DNAH9: variants seen among roughly 807,000 people sequenced by gnomAD.
DNAH9 encodes the protein dynein axonemal heavy chain 9.
A neutral mutation model predicts 471.6 loss-of-function variants in DNAH9; 345 were observed. That is an observed-to-expected ratio of 0.73 (90% CI 0.67 to 0.80). DNAH9 has a LOEUF of 0.80. DNAH9 is among the 30% of genes least tolerant of loss of function. The pLI is 0.00. For synonymous variants in DNAH9, 2,093 were observed against 2,123.6 expected (o/e 0.99, Z 0.40); for missense variants, 5,407 against 5,609.2 (o/e 0.96, Z 1.15).
At chr17:11,915,844 T>C (rs1015465469) in intron 61 of DNAH9, among the ~76,000 whole-genome samples, 6 of 152,252 alleles carry the variant, frequency 3.9e-5, no homozygotes, top group African/African-American at 1.4e-4. Context: ...GAGCATTTAA[T>C]ACAATTTTAA....
intron 34 of DNAH9, 150 bp from the exon 35 acceptor site, chr17:11,757,395 C>G: frequency 1.5e-6 from 1 of 677,910 alleles, no homozygotes; most frequent in South Asian, 2.0e-5. Flanking sequence ...AATAGCAAAC[C>G]CATTTACCCG....
At chr17:11,914,060 C>A (rs1249417858) in intron 61 of DNAH9, among the ~76,000 whole-genome samples, 1 of 152,144 alleles carries the variant, frequency 6.6e-6, no homozygotes, top group Non-Finnish European at 1.5e-5. Flanking sequence ...TCATTCACTG[C>A]AAAGGCAAGT....
chr17:11,794,833 A>G (rs1969186907), intron 42 of DNAH9, among the ~76,000 whole-genome samples: 1 of 149,812 alleles, frequency 6.7e-6, no homozygotes, highest in African/African-American at 2.4e-5. Flanking sequence ...TTCACTGTAT[A>G]TGACTCTCTT....
In DNAH9 at chr17:11,611,783, G is replaced by A. The variant is rs776121900; in HGVS notation, c.904+3G>A. On this transcript the variant is annotated splice_donor_region_variant and intron_variant, in intron 4 of 68. Coordinates refer to ENST00000262442, the MANE Select transcript of DNAH9 (RefSeq NM_001372.4). ...CATGTACAGAGATGTTGTTGCAGGT[G>A]AGGACCAGCAAGTGTTTTCACAAAT... is the stretch of plus-strand genomic sequence containing the variant. 3 of 1,613,948 alleles carry A rather than the reference G, an allele frequency of 1.9e-6. No homozygotes were observed. The highest frequency in any genetic ancestry group is 2.5e-6 in the Non-Finnish European group (3 of 1,179,758).
intron 57 of DNAH9, among the ~76,000 whole-genome samples, chr17:11,891,242 G>C (rs1268185277): frequency 6.6e-6 from 1 of 152,146 alleles, no homozygotes; most frequent in Non-Finnish European, 1.5e-5. Flanking sequence ...TCACTGCAGA[G>C]GTATATATGC....
intron 49 of DNAH9, among the ~76,000 whole-genome samples, chr17:11,837,980 CAGG>C (rs1970902156): frequency 6.6e-6 from 1 of 152,052 alleles, no homozygotes; most frequent in African/African-American, 2.4e-5. Flanking sequence ...GTCACCTCAT[CAGG>C]AAGCAAATAA....
At position 11,874,934 on chromosome 17, in the gene DNAH9, TTTC is replaced by T. The variant is rs1972415898; in HGVS notation, c.10243-8_10243-6del. 4 of 1,595,812 alleles carry T rather than the reference TTTC, an allele frequency of 2.5e-6. No homozygotes were observed. The highest frequency in any genetic ancestry group is 2.6e-6 in the Non-Finnish European group (3 of 1,164,052). The stretch of plus-strand genomic sequence containing the variant: ...CTTCTGTTCTGAGCGTGGGGTGGTG[TTTC>T]TTCTTCACCAGACTCCCATTCCAGT... On this transcript the variant is annotated splice_polypyrimidine_tract_variant and intron_variant, in intron 52 of 68. Transcript: ENST00000262442.
At chr17:11,698,207 TAA>T (rs376917040) in intron 22 of DNAH9, among the ~76,000 whole-genome samples, 2 of 129,414 alleles carry the variant, frequency 1.5e-5, no homozygotes, top group Admixed American at 9.3e-5. Context: ...AATATATTAA[TAA>T]TATAATTATA....
At chr17:11,781,521 G>A (rs1968664792) in intron 39 of DNAH9, among the ~76,000 whole-genome samples, 1 of 152,118 alleles carries the variant, frequency 6.6e-6, no homozygotes, top group Admixed American at 6.5e-5. Context: ...CACAGCACTG[G>A]GCATGTGCTT....
chr17:11,920,035 C>CTTTTTTTTT (rs1165405913), intron 61 of DNAH9, among the ~76,000 whole-genome samples: 8 of 135,948 alleles, frequency 5.9e-5, no homozygotes, highest in African/African-American at 1.6e-4. Context: ...TAAGTTCTTT[C>CTTTTTTTTT]TTTTTTTTTT....
At chr17:11,851,719 T>A (rs1971427257) in intron 49 of DNAH9, among the ~76,000 whole-genome samples, 1 of 152,190 alleles carries the variant, frequency 6.6e-6, no homozygotes, top group South Asian at 2.1e-4. Context: ...CCACTCATCA[T>A]ACTGCCAGCT....
At chr17:11,796,548 CA>C (rs1969248103) in intron 42 of DNAH9, among the ~76,000 whole-genome samples, 1 of 152,162 alleles carries the variant, frequency 6.6e-6, no homozygotes, top group Non-Finnish European at 1.5e-5. Flanking sequence ...AATCTCATCC[CA>C]TAGGTTACAA....
intron 17 of DNAH9, among the ~76,000 whole-genome samples, chr17:11,670,884 G>A (rs1013676495): frequency 5.9e-5 from 9 of 152,116 alleles, no homozygotes; most frequent in Non-Finnish European, 1.2e-4. Context: ...TGTACTTTTA[G>A]TGGAGACAGG....
chr17:11,615,634 T>G (rs2072726283), intron 4 of DNAH9, among the ~76,000 whole-genome samples: 1 of 152,022 alleles, frequency 6.6e-6, no homozygotes, highest in Non-Finnish European at 1.5e-5. Flanking sequence ...TCTCTCTCTC[T>G]CTTCATATGC....
At chr17:11,766,423 A>C (rs1214216926) in intron 36 of DNAH9, among the ~76,000 whole-genome samples, 1 of 152,196 alleles carries the variant, frequency 6.6e-6, no homozygotes. Flanking sequence ...TTCAACTCCC[A>C]ATTCTGTCGT....
rs2072922508 is a variant in DNAH9 at position 11,623,931 on chromosome 17, G to C, written c.1350+4150G>C. On this transcript the variant is annotated intron_variant, in intron 6 of 68. Coordinates refer to ENST00000262442, the MANE Select transcript of DNAH9 (RefSeq NM_001372.4). The surrounding 1 kb of genome is among the most constrained non-coding windows in gnomAD (Gnocchi z 4.1). ...TCTTTTTGCACAAGAGAATTTTGTT[G>C]TGCACATCCACTCTTCCTCTCTGGG... is the stretch of plus-strand genomic sequence containing the variant. 6.6e-6 allele frequency among the ~76,000 whole-genome samples: 1 copy of C among 152,014 alleles called. No homozygotes were observed. Among genetic ancestry groups the C allele is most frequent in the Non-Finnish European group, 1.5e-5 (1 of 67,998 alleles).
In DNAH9 at chr17:11,679,935, AC is replaced by A. The variant is rs2074106515; in HGVS notation, c.3534del (p.Tyr1179MetfsTer23). 1 of 1,614,014 alleles carries A rather than the reference AC, an allele frequency of 6.2e-7. No homozygotes were observed. The highest frequency in any genetic ancestry group is 8.5e-7 in the Non-Finnish European group (1 of 1,180,018). ...AAAGCAGACTATTGAATTGCTGAAG[AC>A]CTATGAACAAGAATTGCCAGAAACA... ...PLKQTIELLK[T>X]YEQELPETVF... On this transcript the variant is annotated frameshift_variant, in exon 18 of 69. Transcript: ENST00000262442. LOFTEE classifies it high-confidence loss of function.
intron 50 of DNAH9, among the ~76,000 whole-genome samples, chr17:11,856,572 G>C (rs1971635130): frequency 1.4e-5 from 2 of 147,282 alleles, no homozygotes; most frequent in African/African-American, 5.0e-5. Context: ...CGGGCGTGGT[G>C]GTGGCCACCT....
At chr17:11,599,051 A>G in intron 1 of DNAH9, 136 bp downstream of exon 1, 1 of 708,714 alleles carries the variant, frequency 1.4e-6, no homozygotes, top group Non-Finnish European at 2.1e-6. Context: ...TGATAGGCAG[A>G]GGGGCGAGGC....
Sources: allele counts gnomAD v4.1 joint callset (sites outside exome capture counted in the v4.1 genomes callset), GRCh38; gene constraint gnomAD v4.1.1; non-coding constraint Gnocchi (gnomAD v3.1); transcripts MANE v1.5; gene names NCBI Gene and HGNC (gene_info 2026-07-23, HGNC 2026-07-21).